GFRA1: variants seen among roughly 807,000 people sequenced by gnomAD.
GFRA1 encodes the protein GDNF family receptor alpha-1.
Under a neutral mutation model 51.6 loss-of-function variants are expected in GFRA1, and 16 were observed. The ratio of observed to expected loss-of-function variants is 0.31; its 90% confidence interval spans 0.21 to 0.47. GFRA1 has a LOEUF of 0.47. GFRA1 is among the 20% of genes least tolerant of loss of function. The pLI is 1.00. For synonymous variants in GFRA1, 270 were observed against 241.3 expected (o/e 1.12, Z -1.10); for missense variants, 530 against 594.3 (o/e 0.89, Z 1.13).
chr10:116,264,673 T>C (rs891463727), intron 4 of GFRA1, among the ~76,000 whole-genome samples: 18 of 152,218 alleles, frequency 1.2e-4, no homozygotes, highest in Non-Finnish European at 2.4e-4. Flanking sequence ...GGCAAGGCCA[T>C]GTGCAAAGGC....
At chr10:116,243,558 G>T (rs10885882) in intron 4 of GFRA1, among the ~76,000 whole-genome samples, 134,788 of 148,600 alleles carry the variant, frequency 0.91, 62,409 homozygotes, top group Non-Finnish European at 1. Flanking sequence ...AAAGGGTTTG[G>T]TTTTTTTTTT....
intron 5 of GFRA1, among the ~76,000 whole-genome samples, chr10:116,196,963 G>A (rs377592953): frequency 6.7e-6 from 1 of 150,162 alleles, no homozygotes; most frequent in Non-Finnish European, 1.5e-5. Flanking sequence ...GCTTCTTCCT[G>A]CTTCTGCTGG....
chr10:116,089,695 C>G (rs8192667), intron 9 of GFRA1, 46 bp downstream of exon 9: 75,024 of 1,525,446 alleles, frequency 0.049, 2,217 homozygotes, highest in Middle Eastern at 0.067. Flanking sequence ...TTTCACCCCC[C>G]CACCAGGAAG....
At chr10:116,144,168 A>G (rs180696477) in intron 5 of GFRA1, among the ~76,000 whole-genome samples, 1 of 152,310 alleles carries the variant, frequency 6.6e-6, no homozygotes, top group Admixed American at 6.5e-5. Context: ...TACTGCTAAA[A>G]GAAAATGACT....
intron 5 of GFRA1, among the ~76,000 whole-genome samples, chr10:116,187,418 C>G (rs563636736): frequency 6.6e-6 from 1 of 152,148 alleles, no homozygotes; most frequent in East Asian, 1.9e-4. Context: ...CAGTGACATC[C>G]CTTCTAAAAC....
intron 6 of GFRA1, among the ~76,000 whole-genome samples, chr10:116,103,962 G>A (rs1459832094): frequency 1.3e-5 from 2 of 152,190 alleles, no homozygotes; most frequent in African/African-American, 4.8e-5. Context: ...CCTAGGAGTA[G>A]GCTACGGAGC....
chr10:116,070,850 C>T (rs1014579255), intron 9 of GFRA1, among the ~76,000 whole-genome samples: 2 of 148,548 alleles, frequency 1.3e-5, no homozygotes, highest in Non-Finnish European at 3.0e-5. Context: ...TGGTCCCAAG[C>T]AGTTGGCCAG....
chr10:116,212,770 A>T (rs1215894072), intron 4 of GFRA1, among the ~76,000 whole-genome samples: 1 of 152,176 alleles, frequency 6.6e-6, no homozygotes, highest in Non-Finnish European at 1.5e-5. Context: ...GTTATACTAC[A>T]GTTTATTTCT....
intron 5 of GFRA1, among the ~76,000 whole-genome samples, chr10:116,158,751 C>A (rs1959424151): frequency 6.6e-6 from 1 of 152,188 alleles, no homozygotes; most frequent in Non-Finnish European, 1.5e-5. Flanking sequence ...GTGGGCAAAA[C>A]AATGAGGTGC....
In GFRA1 at chr10:116,104,152, C is replaced by T. The variant is rs192116547; in HGVS notation, c.771-7388G>A. Among the ~76,000 whole-genome samples the T allele has an allele frequency of 2.6e-3, 403 of 152,328 alleles. 1 individual carries two copies. The highest frequency in any genetic ancestry group is 9.4e-3 in the African/African-American group (389 of 41,574). On this transcript the variant is annotated intron_variant, in intron 6 of 10. Transcript: ENST00000355422. ...CCCACTGGTAGTGGGATTATTAAAGCCTCGCCAACTGATGTGCGTATGGCA... is the reference window on the plus strand; with the variant it reads ...CCCACTGGTAGTGGGATTATTAAAGTCTCGCCAACTGATGTGCGTATGGCA...
At chr10:116,260,921 G>C (rs928079084) in intron 4 of GFRA1, among the ~76,000 whole-genome samples, 2 of 152,136 alleles carry the variant, frequency 1.3e-5, no homozygotes, top group Non-Finnish European at 2.9e-5. Context: ...AAAAAAATCT[G>C]AGGGCTTAAC....
intron 5 of GFRA1, among the ~76,000 whole-genome samples, chr10:116,179,803 T>A (rs11595700): frequency 0.49 from 75,083 of 152,024 alleles, 19,767 homozygotes; most frequent in Middle Eastern, 0.62. Context: ...TTCTGAAGAA[T>A]CAGCAGGGCT....
chr10:116,133,760 T>G (rs866218416), intron 5 of GFRA1, among the ~76,000 whole-genome samples: 5 of 152,248 alleles, frequency 3.3e-5, no homozygotes, highest in African/African-American at 9.6e-5. Context: ...AAGGAGTACA[T>G]GGACCAATGA....
chr10:116,121,494 G>C (rs1325162867), intron 6 of GFRA1, among the ~76,000 whole-genome samples: 1 of 152,188 alleles, frequency 6.6e-6, no homozygotes, highest in African/African-American at 2.4e-5. Flanking sequence ...AAAAGCTAAT[G>C]TTGCTTCCCA....
upstream of GFRA1, among the ~76,000 whole-genome samples, chr10:116,274,494 AGAG>A (rs1844145618): frequency 6.6e-6 from 1 of 152,172 alleles, no homozygotes; most frequent in Non-Finnish European, 1.5e-5. Context: ...GGGGAGAAGA[AGAG>A]GAGGAAGGAG....
rs543488376 is a variant in GFRA1 at position 116,262,506 on chromosome 10, A to C, written c.418+6997T>G. On this transcript the variant is annotated intron_variant, in intron 4 of 10. Coordinates refer to ENST00000355422, the MANE Select transcript of GFRA1 (RefSeq NM_005264.8). Reference sequence around the variant, plus strand: ...GATTATGACACCATTTTTGTAAAAAAAAATATATGTATACATGTATGTACA... The same window carrying C: ...GATTATGACACCATTTTTGTAAAAACAAATATATGTATACATGTATGTACA... Among the ~76,000 whole-genome samples, 8 of 144,792 alleles carry C rather than the reference A, an allele frequency of 5.5e-5. No homozygotes were observed. The East Asian group carries it at 1.8e-3, about 32-fold the overall frequency. The allele number at this position is 144,792 out of a possible 152,430, so 95.0% of individuals were successfully genotyped here. A position where few individuals can be genotyped will look rare whatever the true frequency, so the allele number is the denominator to read the frequency against.
Position 116,064,297 on chromosome 10 carries a change from A to G in GFRA1, c.*101T>C. On this transcript the variant is annotated 3_prime_UTR_variant, in exon 11 of 11. Coordinates refer to ENST00000355422, the MANE Select transcript of GFRA1 (RefSeq NM_005264.8). ...TCCAGTTGAATGGAACTGTTTCTCA[A>G]CTGAGCTCCTAAACTGGAATTTCAG... is the stretch of plus-strand genomic sequence containing the variant. 2 of 1,020,822 alleles carry G rather than the reference A, an allele frequency of 2.0e-6. No individual in the cohort carries two copies. Among genetic ancestry groups the G allele is most frequent in the African/African-American group, 1.6e-5 (1 of 62,834 alleles). The allele number at this position is 1,020,822 out of a possible 1,614,324, so 63.2% of individuals were successfully genotyped here. A position where few individuals can be genotyped will look rare whatever the true frequency, so the allele number is the denominator to read the frequency against.
intron 5 of GFRA1, among the ~76,000 whole-genome samples, chr10:116,205,436 G>A (rs1469594896): frequency 2.0e-5 from 3 of 151,692 alleles, no homozygotes; most frequent in Admixed American, 6.6e-5. Context: ...TTAGCTGGGC[G>A]TAGCGGCACG....
chr10:116,240,921 C>T (rs1388124781), intron 4 of GFRA1, among the ~76,000 whole-genome samples: 1 of 152,068 alleles, frequency 6.6e-6, no homozygotes, highest in Non-Finnish European at 1.5e-5. Context: ...TATGATCATC[C>T]CATTTTACAG....
Sources: gnomAD v4.1 joint callset for allele counts (sites outside exome capture counted in the v4.1 genomes callset) on GRCh38, gnomAD v4.1.1 for gene constraint, MANE v1.5 for transcripts, NCBI Gene and HGNC (gene_info 2026-07-23, HGNC 2026-07-21) for gene names.